MGAM: variants seen among roughly 807,000 people sequenced by gnomAD.
The protein encoded by MGAM is maltase-glucoamylase, also known as alpha-1,4-glucosidase.
In MGAM, 253 loss-of-function variants were observed where a neutral mutation model predicts 358.8. That is an observed-to-expected ratio of 0.71 (90% CI 0.64 to 0.78). The LOEUF (loss-of-function observed/expected upper bound fraction) is 0.78, where lower values mean the gene tolerates loss of function less well. Among genes scored for constraint, MGAM ranks in the 30% least tolerant of loss-of-function variants. MGAM has a pLI of 0.00. For synonymous variants in MGAM, 1,105 were observed against 1,227.1 expected (o/e 0.90, Z 2.08); for missense variants, 3,080 against 3,432.6 (o/e 0.90, Z 2.57).
chr7:141,990,908 T>C (rs182187194), upstream of MGAM, among the ~76,000 whole-genome samples: 1 of 152,290 alleles, frequency 6.6e-6, no homozygotes, highest in Non-Finnish European at 1.5e-5. Context: ...CCTCCCAGCA[T>C]GTGTATTCTC....
intron 2 of MGAM, among the ~76,000 whole-genome samples, chr7:141,989,844 C>T (rs1803868432): frequency 6.6e-6 from 1 of 152,132 alleles, no homozygotes; most frequent in African/African-American, 2.4e-5. Context: ...CAATTTCATA[C>T]TAAAGGGATA....
chr7:142,052,452 C>T lies in MGAM; in HGVS notation c.2958+6C>T, dbSNP rs367797410. On this transcript the variant is annotated splice_donor_region_variant and intron_variant, in intron 25 of 70. Coordinates refer to ENST00000475668, the MANE Select transcript of MGAM (RefSeq NM_001365693.1). ...CCCGTGGCTGTATCTGGGAGGTAAC[C>T]ATGCTGATGGGGTTTGTGTGCATGA... 2.5e-6 allele frequency: 4 copies of T among 1,612,936 alleles called. No homozygotes were observed. Among genetic ancestry groups the T allele is most frequent in the African/African-American group, 1.3e-5 (1 of 75,008 alleles).
chr7:142,101,990 C>T (rs1008712782), intron 68 of MGAM, among the ~76,000 whole-genome samples: 7 of 150,750 alleles, frequency 4.6e-5, no homozygotes, highest in Admixed American at 6.6e-5. Flanking sequence ...GTGTGACAGC[C>T]ACGAGGGCAG....
In MGAM at chr7:142,079,148, C is replaced by A; in HGVS notation, c.5847+140C>A. 8.3e-6 allele frequency: 7 copies of A among 843,888 alleles called. 1 individual carries two copies. The highest frequency in any genetic ancestry group is 1.3e-5 in the Non-Finnish European group (7 of 557,492). 52.3% of individuals were successfully genotyped at this position (843,888 alleles called of 1,614,324 possible). A position where few individuals can be genotyped will look rare whatever the true frequency, so the allele number is the denominator to read the frequency against. On this transcript the variant is annotated intron_variant, in intron 49 of 70. Transcript: ENST00000475668. ...CATTATCCAGAGAACATTGAGAAATCATTGAGGGAACAATGAGACCTGCCC... is the reference window on the plus strand; with the variant it reads ...CATTATCCAGAGAACATTGAGAAATAATTGAGGGAACAATGAGACCTGCCC...
chr7:141,994,278 G>A (rs1435611174), upstream of MGAM, among the ~76,000 whole-genome samples: 1 of 152,188 alleles, frequency 6.6e-6, no homozygotes, highest in African/African-American at 2.4e-5. Flanking sequence ...AGGCATTGCA[G>A]TAAATAAAGA....
chr7:142,028,150 T>C (rs535545500), intron 10 of MGAM, among the ~76,000 whole-genome samples: 42 of 152,326 alleles, frequency 2.8e-4, no homozygotes, highest in African/African-American at 9.9e-4. Context: ...GCCTTACACA[T>C]GTTCTTGGTT....
At chr7:142,037,643 T>A (rs1808110715) in intron 18 of MGAM, among the ~76,000 whole-genome samples, 1 of 152,194 alleles carries the variant, frequency 6.6e-6, no homozygotes, top group Non-Finnish European at 1.5e-5. Flanking sequence ...AAGGCAGATA[T>A]TCTGAAAGAG....
chr7:142,008,121 A>C (rs550179896), intron 2 of MGAM, among the ~76,000 whole-genome samples: 113 of 152,318 alleles, frequency 7.4e-4, no homozygotes, highest in Non-Finnish European at 5.1e-4. Context: ...TGTAATGTGC[A>C]TGTGTGTAAT....
chr7:142,100,735 A>G, intron 67 of MGAM, 67 bp from the exon 68 acceptor site: 1 of 1,350,838 alleles, frequency 7.4e-7, no homozygotes, highest in Non-Finnish European at 1.0e-6. Context: ...TTATGTTTGT[A>G]TGTAAAGTCT....
At chr7:142,055,479 G>C in intron 27 of MGAM, 79 bp from the exon 28 acceptor site, 1 of 1,555,036 alleles carries the variant, frequency 6.4e-7, no homozygotes, top group Non-Finnish European at 8.9e-7. Flanking sequence ...CAAGTGTTCT[G>C]TTGTCCTTGA....
intron 21 of MGAM, among the ~76,000 whole-genome samples, chr7:142,042,009 A>G (rs1490112493): frequency 3.1e-4 from 5 of 16,130 alleles, no homozygotes; most frequent in Non-Finnish European, 5.1e-4. Flanking sequence ...TTATATATAT[A>G]ATATAATATA....
intron 63 of MGAM, 75 bp downstream of exon 63, chr7:142,094,938 C>A: frequency 3.5e-6 from 5 of 1,428,714 alleles, no homozygotes; most frequent in Non-Finnish European, 4.8e-6. Context: ...TTAATGCAGT[C>A]TGTATTTCCT....
chr7:142,091,359 C>T (rs1815369732), intron 57 of MGAM, among the ~76,000 whole-genome samples: 1 of 146,016 alleles, frequency 6.8e-6, no homozygotes, highest in East Asian at 2.0e-4. Context: ...TTGAAATGTC[C>T]TCTTTAAGTC....
At chr7:142,079,030 G>A in intron 49 of MGAM, 22 bp downstream of exon 49, 1 of 1,522,462 alleles carries the variant, frequency 6.6e-7, no homozygotes, top group Non-Finnish European at 9.0e-7. Flanking sequence ...ACATATATCA[G>A]GCAGTGATAA....
Position 142,059,883 on chromosome 7 carries a change from C to G in MGAM, c.3976C>G (p.Gln1326Glu), listed in dbSNP as rs1811942466. 1.9e-6 allele frequency: 3 copies of G among 1,610,966 alleles called. No individual in the cohort carries two copies. Among genetic ancestry groups the G allele is most frequent in the Non-Finnish European group, 2.5e-6 (3 of 1,178,608 alleles). Reference sequence around the variant, plus strand: ...TCCAGCCATTTCTGGCAATGAGACACAGCCTTATCCTGCCTTCACTCGGGG... The same window carrying G: ...TCCAGCCATTTCTGGCAATGAGACAGAGCCTTATCCTGCCTTCACTCGGGG... ...LDPAISGNET[Q>E]PYPAFTRGVE... The change falls in exon 33 of 71, where the codon CAG (glutamine) becomes GAG (glutamate). Residue 1326 changes from glutamine to glutamate, a missense_variant. By Grantham distance (29) the Gln-to-Glu change is conservative. Coordinates refer to ENST00000475668, the MANE Select transcript of MGAM (RefSeq NM_001365693.1).
At chr7:142,081,626 T>C (rs1814299249) in intron 50 of MGAM, among the ~76,000 whole-genome samples, 3 of 145,914 alleles carry the variant, frequency 2.1e-5, no homozygotes, top group African/African-American at 7.3e-5. Flanking sequence ...CTTGAAGGCT[T>C]CATAAGATGT....
intron 70 of MGAM, among the ~76,000 whole-genome samples, chr7:142,104,825 C>G (rs1432001172): frequency 3.9e-5 from 6 of 152,148 alleles, no homozygotes; most frequent in Non-Finnish European, 8.8e-5. Flanking sequence ...GGTCCTGACA[C>G]TTATCATCCC....
chr7:142,102,750 A>G, intron 69 of MGAM, 71 bp downstream of exon 69: 1 of 1,377,840 alleles, frequency 7.3e-7, no homozygotes, highest in Middle Eastern at 1.8e-4. Flanking sequence ...TCGTAAGGGC[A>G]TAAAATACCA....
At position 142,081,998 on chromosome 7, in the gene MGAM, G is replaced by A. The variant is rs768888828; in HGVS notation, c.6003-44G>A. The A allele has an allele frequency of 1.5e-4, 237 of 1,533,410 alleles. 41 individuals are homozygous for A. The highest frequency in any genetic ancestry group is 2.1e-4 in the Non-Finnish European group (233 of 1,114,868). 95.0% of individuals were successfully genotyped at this position (1,533,410 alleles called of 1,614,324 possible). The stretch of plus-strand genomic sequence containing the variant: ...AAAAGTCAGCTGCTGGAAGCAGAGA[G>A]AAAAGCCCATTTTCTGTTTCAAATC... On this transcript the variant is annotated intron_variant, in intron 50 of 70. Coordinates refer to ENST00000475668, the MANE Select transcript of MGAM (RefSeq NM_001365693.1).
Sources: allele counts gnomAD v4.1 joint callset (sites outside exome capture counted in the v4.1 genomes callset), GRCh38; gene constraint gnomAD v4.1.1; transcripts MANE v1.5; gene names NCBI Gene and HGNC (gene_info 2026-07-23, HGNC 2026-07-21).